Variants in BACH2 observed in about 807,000 individuals in gnomAD.
BACH2 encodes BACH transcriptional regulator 2.
BACH2 carries 5 observed loss-of-function variants against 61.8 expected under a neutral mutation model. That is an observed-to-expected ratio of 0.08 (90% CI 0.04 to 0.17). The LOEUF is 0.17. Ranked by LOEUF, BACH2 falls within the 10% of genes least tolerant of loss-of-function variation. The pLI is 1.00. For synonymous variants in BACH2, 446 were observed against 440.1 expected (o/e 1.01, Z -0.17); for missense variants, 824 against 1,091.1 (o/e 0.76, Z 3.45).
At chr6:90,088,348 A>G (rs1782019492) in intron 5 of BACH2, among the ~76,000 whole-genome samples, 1 of 152,208 alleles carries the variant, frequency 6.6e-6, no homozygotes, top group African/African-American at 2.4e-5. Flanking sequence ...TAACAGCACT[A>G]TTAGTCACAC....
intron 5 of BACH2, among the ~76,000 whole-genome samples, chr6:90,074,697 C>T (rs899774067): frequency 6.6e-6 from 1 of 152,064 alleles, no homozygotes; most frequent in Non-Finnish European, 1.5e-5. Flanking sequence ...TATCAGTAGC[C>T]TTTGGGGAGA....
intron 4 of BACH2, among the ~76,000 whole-genome samples, chr6:90,102,140 C>T (rs207256): frequency 0.53 from 80,229 of 151,812 alleles, 21,776 homozygotes; most frequent in African/African-American, 0.61. Flanking sequence ...CTTAAAACTT[C>T]ACTATAAATA....
intron 5 of BACH2, among the ~76,000 whole-genome samples, chr6:90,020,786 C>T (rs1156957487): frequency 2.6e-5 from 4 of 152,092 alleles, no homozygotes; most frequent in Admixed American, 2.0e-4. Context: ...CATTCCCCTC[C>T]GCCCCCCACT....
chr6:90,163,566 A>G (rs976433742), intron 4 of BACH2, among the ~76,000 whole-genome samples: 2 of 152,130 alleles, frequency 1.3e-5, no homozygotes, highest in African/African-American at 4.8e-5. Context: ...CTATTTTATA[A>G]AATTATAAAA....
intron 5 of BACH2, among the ~76,000 whole-genome samples, chr6:90,051,484 T>C (rs919527569): frequency 2.6e-5 from 4 of 152,202 alleles, no homozygotes; most frequent in Non-Finnish European, 5.9e-5. Flanking sequence ...GCTTTTGCAC[T>C]ACAGTGGCAG....
intron 4 of BACH2, among the ~76,000 whole-genome samples, chr6:90,167,597 A>T (rs775141643): frequency 2.6e-5 from 4 of 152,138 alleles, no homozygotes; most frequent in African/African-American, 7.2e-5. Flanking sequence ...ACCTCAAGTG[A>T]TCCAAAATGC....
intron 4 of BACH2, among the ~76,000 whole-genome samples, chr6:90,157,376 TGTTA>T (rs1290869679): frequency 1.3e-5 from 2 of 152,250 alleles, no homozygotes; most frequent in African/African-American, 4.8e-5. Flanking sequence ...GAGATTGGGT[TGTTA>T]ATTTATTCAT....
intron 4 of BACH2, among the ~76,000 whole-genome samples, chr6:90,193,018 A>G (rs1216061313): frequency 1.3e-5 from 2 of 152,336 alleles, no homozygotes; most frequent in Non-Finnish European, 2.9e-5. Context: ...ATCTAGCACA[A>G]TCACTATTCA....
chr6:90,193,154 A>G (rs1444545972), intron 4 of BACH2, among the ~76,000 whole-genome samples: 4 of 152,366 alleles, frequency 2.6e-5, no homozygotes, highest in Non-Finnish European at 5.9e-5. Flanking sequence ...AGTGAGGTGC[A>G]GACAATTGCA....
intron 5 of BACH2, among the ~76,000 whole-genome samples, chr6:90,039,546 G>A (rs890028647): frequency 5.3e-5 from 8 of 152,034 alleles, no homozygotes; most frequent in South Asian, 2.1e-4. Context: ...TACCACGGCC[G>A]GCTAATTTTT....
intron 3 of BACH2, among the ~76,000 whole-genome samples, chr6:90,212,415 T>C (rs1462999387): frequency 1.3e-5 from 2 of 152,040 alleles, no homozygotes; most frequent in South Asian, 4.1e-4. Context: ...TTCCTGCAGG[T>C]CCCTCTCCAT....
At chr6:90,076,343 C>A (rs1037194252) in intron 5 of BACH2, among the ~76,000 whole-genome samples, 2 of 152,092 alleles carry the variant, frequency 1.3e-5, no homozygotes, top group Non-Finnish European at 2.9e-5. Context: ...CCTAATATCA[C>A]CCAGCTGTGA....
At chr6:89,947,560 A>G (rs1487633141) in intron 7 of BACH2, among the ~76,000 whole-genome samples, 1 of 150,308 alleles carries the variant, frequency 6.7e-6, no homozygotes, top group African/African-American at 2.4e-5. Context: ...CAGAAGATGG[A>G]TTTTTCTTTC....
At chr6:90,044,982 G>A (rs1464249541) in intron 5 of BACH2, among the ~76,000 whole-genome samples, 1 of 152,168 alleles carries the variant, frequency 6.6e-6, no homozygotes, top group Non-Finnish European at 1.5e-5. Context: ...CCATTAGTAT[G>A]CAGATGGTAT....
At chr6:90,252,759 C>G (rs537110236) in intron 2 of BACH2, among the ~76,000 whole-genome samples, 169 bp from the exon 3 acceptor site, 1 of 152,174 alleles carries the variant, frequency 6.6e-6, no homozygotes, top group East Asian at 1.9e-4. Context: ...AAAAATAGAC[C>G]AAAATGAATA....
chr6:89,938,471 G>A, intron 7 of BACH2, 121 bp from the exon 8 acceptor site: 1 of 757,830 alleles, frequency 1.3e-6, no homozygotes, highest in Non-Finnish European at 2.1e-6. Context: ...ACTACTGAAA[G>A]CAAGCAGTGA....
At chr6:90,078,001 C>G (rs1160307037) in intron 5 of BACH2, among the ~76,000 whole-genome samples, 2 of 152,068 alleles carry the variant, frequency 1.3e-5, no homozygotes, top group Non-Finnish European at 2.9e-5. Flanking sequence ...TCTAGAAGGA[C>G]AGGTATACAT....
chr6:90,139,574 A>T (rs1784394547), intron 4 of BACH2, among the ~76,000 whole-genome samples: 1 of 152,226 alleles, frequency 6.6e-6, no homozygotes, highest in Non-Finnish European at 1.5e-5. Context: ...TTCTTTATGC[A>T]ATAATCTCCC....
chr6:90,073,742 C>CA (rs1554239558), intron 5 of BACH2, among the ~76,000 whole-genome samples: 1 of 151,822 alleles, frequency 6.6e-6, no homozygotes, highest in Non-Finnish European at 1.5e-5. Flanking sequence ...AGGTTCAAAG[C>CA]AAAAAAGGAT....
Sources: gnomAD v4.1 joint callset for allele counts (sites outside exome capture counted in the v4.1 genomes callset) on GRCh38, gnomAD v4.1.1 for gene constraint, MANE v1.5 for transcripts, NCBI Gene and HGNC (gene_info 2026-07-23, HGNC 2026-07-21) for gene names.